FYCO1: variants seen among roughly 807,000 people sequenced by gnomAD.
FYCO1 encodes the protein FYVE and coiled-coil domain-containing protein 1.
FYCO1 carries 122 observed loss-of-function variants against 165.1 expected under a neutral mutation model. The ratio of observed to expected loss-of-function variants is 0.74; its 90% CI spans 0.64 to 0.86. FYCO1 has a LOEUF of 0.86. Among genes scored for constraint, FYCO1 ranks in the 40% least tolerant of loss-of-function variants. The pLI is 0.00. For missense variants in FYCO1, 1,702 were observed against 1,810.3 expected, an observed-to-expected ratio of 0.94 and a Z score of 1.09; for synonymous variants, 648 against 742.5, an observed-to-expected ratio of 0.87 and a Z score of 2.07.
In FYCO1 at chr3:45,985,160, GT is replaced by G. The variant is rs1490246722; in HGVS notation, c.-112-139del. ...CAACAGGAGGGCTTGACCTTTCTGT[GT>G]GGGCCTTGTTCTGTGGGCACTCTCT... On this transcript the variant is annotated intron_variant, in intron 1 of 17. Transcript: ENST00000296137. The G allele has an allele frequency of 6.6e-6, 4 of 605,924 alleles. No individual in the cohort carries two copies. In the African/African-American group the frequency reaches 7.4e-5, roughly 11 times the overall value. The allele number at this position is 605,924 out of a possible 1,614,324, so 37.5% of individuals were successfully genotyped here.
In FYCO1 at chr3:45,967,694, C is replaced by A. The variant is rs1329754168; in HGVS notation, c.1640G>T (p.Ser547Ile). ...KQLIQDKDHL[S>I]QQVGMLERLA... The stretch of plus-strand genomic sequence containing the variant: ...CCGCTCGAGCATACCCACCTGCTGG[C>A]TGAGGTGGTCTTTGTCCTGAATGAG... Residue 547 changes from serine to isoleucine, a missense_variant, in exon 8 of 18, where the codon AGC (serine) becomes ATC (isoleucine). Transcript: ENST00000296137. 6.2e-7 allele frequency: 1 copy of A among 1,613,746 alleles called. No homozygotes were observed. The highest frequency in any genetic ancestry group is 8.5e-7 in the Non-Finnish European group (1 of 1,180,018).
At chr3:45,926,886 C>G (rs1004927330) in intron 16 of FYCO1, among the ~76,000 whole-genome samples, 1 of 151,724 alleles carries the variant, frequency 6.6e-6, no homozygotes, top group African/African-American at 2.4e-5. Context: ...ATCGCTTGAA[C>G]CTGGGAGGCA....
At chr3:45,951,118 C>T (rs1047645064) in intron 14 of FYCO1, among the ~76,000 whole-genome samples, 8 of 152,138 alleles carry the variant, frequency 5.3e-5, no homozygotes, top group African/African-American at 1.9e-4. Context: ...TTGCAGGAGA[C>T]GACTGGGCTG....
At chr3:45,938,820 A>G (rs540614279) in intron 14 of FYCO1, among the ~76,000 whole-genome samples, 41 of 152,356 alleles carry the variant, frequency 2.7e-4, no homozygotes, top group Admixed American at 2.7e-3. Context: ...CCATATGTAT[A>G]CACACATGCA....
chr3:45,936,563 AAC>A lies in FYCO1; in HGVS notation c.3945-22_3945-21del, dbSNP rs764276901. ...GTATCCCTGAAATGTCACAAATGAG[AAC>A]ACAGTCATTTAGCTATCAACACACA... On this transcript the variant is annotated intron_variant, in intron 14 of 17. Transcript: ENST00000296137. 7.8e-6 allele frequency: 12 copies of A among 1,536,550 alleles called. No homozygotes were observed. Among genetic ancestry groups the A allele is most frequent in the Non-Finnish European group, 1.1e-5 (12 of 1,109,652 alleles).
At chr3:45,927,323 A>G (rs181259898) in intron 16 of FYCO1, among the ~76,000 whole-genome samples, 17 of 152,366 alleles carry the variant, frequency 1.1e-4, no homozygotes, top group Non-Finnish European at 2.1e-4. Flanking sequence ...AGTTATACAA[A>G]GTATGTTCTA....
chr3:45,966,594 C>G lies in FYCO1; in HGVS notation c.2740G>C (p.Ala914Pro), dbSNP rs771603575. ...DTAELGIQVCALTVEKERVEE... is the reference protein window; with the variant it reads ...DTAELGIQVCPLTVEKERVEE... ...ACTCGCTCCTTTTCCACGGTCAGTGCGCAAACCTGGATGCCCAGCTCAGCT... is the reference window on the plus strand; with the variant it reads ...ACTCGCTCCTTTTCCACGGTCAGTGGGCAAACCTGGATGCCCAGCTCAGCT... The change falls in exon 8 of 18, where the codon GCA (alanine) becomes CCA (proline). Residue 914 changes from alanine (A) to proline (P), a missense_variant. Physicochemically the swap from Ala to Pro is conservative, Grantham distance 27. Coordinates refer to ENST00000296137, the MANE Select transcript of FYCO1 (RefSeq NM_024513.4). 6.2e-7 allele frequency: 1 copy of G among 1,614,206 alleles called. No individual in the cohort carries two copies.
In FYCO1 at chr3:45,967,792, C is replaced by T. The variant is rs1363676926; in HGVS notation, c.1542G>A (p.Gln514=). ...CCAGCTGGGTCTCCAGGAACTGCAGCTGCCGGGTCAGAGACCTGACCTCCT... is the reference window on the plus strand; with the variant it reads ...CCAGCTGGGTCTCCAGGAACTGCAGTTGCCGGGTCAGAGACCTGACCTCCT... ...LEQEVRSLTR[Q]LQFLETQLAQ... is the part of the protein sequence containing the mutation. The change falls in exon 8 of 18, where the codon CAG becomes CAA. Residue 514 remains glutamine, a synonymous_variant. Coordinates refer to ENST00000296137, the MANE Select transcript of FYCO1 (RefSeq NM_024513.4). The T allele has an allele frequency of 1.2e-6, 2 of 1,613,992 alleles. No homozygotes were observed. The highest frequency in any genetic ancestry group is 1.7e-6 in the Non-Finnish European group (2 of 1,180,040).
intron 17 of FYCO1, among the ~76,000 whole-genome samples, 179 bp downstream of exon 17, chr3:45,923,477 C>T (rs530842240): frequency 7.0e-4 from 107 of 152,280 alleles, no homozygotes; most frequent in African/African-American, 2.6e-3. Flanking sequence ...CAAGCATGAG[C>T]CTGTGTGTCA....
rs1429741532 is a variant in FYCO1, at chr3:45,965,220, CTT to C, written c.3058-97_3058-96del. 3 of 949,690 alleles carry C rather than the reference CTT, an allele frequency of 3.2e-6. No individual in the cohort carries two copies. In the African/African-American group the frequency reaches 4.9e-5, roughly 15 times the overall value. The allele number at this position is 949,690 out of a possible 1,614,324, so 58.8% of individuals were successfully genotyped here. A position where few individuals can be genotyped will look rare whatever the true frequency, so the allele number is the denominator to read the frequency against. On this transcript the variant is annotated intron_variant, in intron 8 of 17. Coordinates refer to ENST00000296137, the MANE Select transcript of FYCO1 (RefSeq NM_024513.4). ...ACCCAAACAGATAAAACCAAGCTAA[CTT>C]TCTCTTTTTCCCTGCAAACTGGCTC...
chr3:45,931,353 T>G, intron 15 of FYCO1, 72 bp from the exon 16 acceptor site: 1 of 1,454,844 alleles, frequency 6.9e-7, no homozygotes, highest in South Asian at 1.2e-5. Flanking sequence ...AGGTCATCTG[T>G]GGCTCAGAGG....
chr3:45,994,976 G>T (rs1363957131), intron 1 of FYCO1, among the ~76,000 whole-genome samples: 1 of 152,010 alleles, frequency 6.6e-6, no homozygotes, highest in Non-Finnish European at 1.5e-5. Flanking sequence ...TTTAACAGGG[G>T]GCCACGCGGT....
intron 7 of FYCO1, among the ~76,000 whole-genome samples, chr3:45,969,388 G>C (rs1316069199): frequency 1.3e-5 from 2 of 152,232 alleles, no homozygotes; most frequent in East Asian, 3.8e-4. Flanking sequence ...CTTGGTCACA[G>C]CTGGTAGGTG....
chr3:45,929,201 A>C (rs1195518636), intron 16 of FYCO1, among the ~76,000 whole-genome samples: 1 of 152,214 alleles, frequency 6.6e-6, no homozygotes, highest in Non-Finnish European at 1.5e-5. Flanking sequence ...AAGGCAGAGG[A>C]GCACCTAAGC....
rs1427557320 is a variant in FYCO1 at position 45,919,628 on chromosome 3, G to A, written c.*2137C>T. On this transcript the variant is annotated 3_prime_UTR_variant, in exon 18 of 18. Coordinates refer to ENST00000296137, the MANE Select transcript of FYCO1 (RefSeq NM_024513.4). ...CCCATTAGCTACTCAGTGAATGGTG[G>A]TTCTTGTTGCATATGGTGCCAGTGA... is the stretch of plus-strand genomic sequence containing the variant. 6.6e-6 allele frequency: 1 copy of A among 152,212 alleles called. No homozygotes were observed. Among genetic ancestry groups the A allele is most frequent in the African/African-American group, 2.4e-5 (1 of 41,426 alleles). 9.4% of individuals were successfully genotyped at this position (152,212 alleles called of 1,614,324 possible).
intron 2 of FYCO1, among the ~76,000 whole-genome samples, chr3:45,983,793 T>C (rs1707174411): frequency 6.6e-6 from 1 of 152,216 alleles, no homozygotes; most frequent in South Asian, 2.1e-4. Flanking sequence ...GTTAGGAGCA[T>C]AGACTGGTGC....
At position 45,968,559 on chromosome 3, in the gene FYCO1, C is replaced by G; in HGVS notation, c.775G>C (p.Glu259Gln). The change falls in exon 8 of 18, where the codon GAG (glutamate) becomes CAG (glutamine). Residue 259 changes from glutamate to glutamine, a missense_variant. Transcript: ENST00000296137. ...LRERMQQLDR[E>Q]NQELRAAVSQ... ...ACAGCTGCCCTCAGCTCCTGGTTCT[C>G]TCTGTCCAGCTGCTGCATGCGCTCC... 1 of 1,614,042 alleles carries G rather than the reference C, an allele frequency of 6.2e-7. No homozygotes were observed. Among genetic ancestry groups the G allele is most frequent in the Non-Finnish European group, 8.5e-7 (1 of 1,180,026 alleles).
At chr3:45,938,130 T>A in intron 14 of FYCO1, 2 of 971,254 alleles carry the variant, frequency 2.1e-6, no homozygotes, top group Non-Finnish European at 2.9e-6. Context: ...TCCTAATCTA[T>A]AATTTCCTCT....
chr3:45,987,453 G>C (rs537547144), intron 1 of FYCO1, among the ~76,000 whole-genome samples: 1 of 152,304 alleles, frequency 6.6e-6, no homozygotes, highest in East Asian at 1.9e-4. Context: ...TTCAGCTTGG[G>C]GAAGGGAGAA....
Sources: allele counts gnomAD v4.1 joint callset (sites outside exome capture counted in the v4.1 genomes callset), GRCh38; gene constraint gnomAD v4.1.1; transcripts MANE v1.5; gene names NCBI Gene and HGNC (gene_info 2026-07-23, HGNC 2026-07-21).